GLDN: variants seen among roughly 807,000 people sequenced by gnomAD.
GLDN encodes the protein gliomedin, also known as collomin.
In GLDN, 47 loss-of-function variants were observed where a neutral mutation model predicts 56.5. The ratio of observed to expected loss-of-function variants is 0.83; its 90% CI spans 0.66 to 1.06. GLDN has a LOEUF of 1.06. Among genes scored for constraint, GLDN ranks in the 50% least tolerant of loss-of-function variants. The probability of loss-of-function intolerance (pLI) is 0.00; values close to 1 mark genes in which losing one functional copy is unlikely to be tolerated. For missense variants in GLDN, 782 were observed against 714.3 expected (o/e 1.09, Z -1.08); for synonymous variants, 332 against 278.8 (o/e 1.19, Z -1.90).
At position 51,341,904 on chromosome 15, in the gene GLDN, C is replaced by T. The variant is rs943599893; in HGVS notation, c.220C>T (p.Arg74Cys). ...ALRSFLAELS[R>C]APRGASAPPQ... ...GCGCTCCTTCCTGGCCGAGTTGAGC[C>T]GCGCGCCGCGCGGGGCGTCCGCACC... Residue 74 changes from arginine (R) to cysteine (C), a missense_variant, in exon 1 of 10, where the codon CGC becomes TGC. Arg to Cys is a radical substitution (Grantham distance 180). Coordinates refer to ENST00000335449, the MANE Select transcript of GLDN (RefSeq NM_181789.4). 3.8e-6 allele frequency: 6 copies of T among 1,591,176 alleles called. No individual in the cohort carries two copies. The highest frequency in any genetic ancestry group is 1.7e-5 in the Admixed American group (1 of 59,148).
At chr15:51,391,599 G>A (rs1345476711) in intron 4 of GLDN, among the ~76,000 whole-genome samples, 1 of 152,212 alleles carries the variant, frequency 6.6e-6, no homozygotes, top group Admixed American at 6.5e-5. Flanking sequence ...CACAAAGAGG[G>A]CCGGGCAGAA....
intron 1 of GLDN, among the ~76,000 whole-genome samples, chr15:51,366,413 C>G (rs1785382119): frequency 6.6e-6 from 1 of 152,184 alleles, no homozygotes; most frequent in Admixed American, 6.5e-5. Context: ...CTTGATAGAG[C>G]CTGTAGGGCT....
rs912395595 is a variant in GLDN, at chr15:51,405,639, T to C, written c.*885T>C. On this transcript the variant is annotated 3_prime_UTR_variant, in exon 10 of 10. Coordinates refer to ENST00000335449, the MANE Select transcript of GLDN (RefSeq NM_181789.4). The stretch of plus-strand genomic sequence containing the variant: ...GCTGTGGATCATGAACACTGAATCC[T>C]CAGATCACTCTGACTTCTTATGCTT... The C allele has an allele frequency of 6.6e-6, 1 of 152,202 alleles. No homozygotes were observed. Among genetic ancestry groups the C allele is most frequent in the Non-Finnish European group, 1.5e-5 (1 of 68,044 alleles). 9.4% of individuals were successfully genotyped at this position (152,202 alleles called of 1,614,324 possible).
At chr15:51,386,688 G>A (rs973054873) in intron 4 of GLDN, among the ~76,000 whole-genome samples, 13 of 152,216 alleles carry the variant, frequency 8.5e-5, no homozygotes, top group Admixed American at 2.6e-4. Flanking sequence ...CTCCGTAGGC[G>A]GGGGACAGCG....
rs868837631 is a variant in GLDN at position 51,374,721 on chromosome 15, C to A, written c.364-2728C>A. On this transcript the variant is annotated intron_variant, in intron 1 of 9. Transcript: ENST00000335449. ...ATCGTTAAATTATCTGTACACATTTCTTTTCTTTCTTTTCCTTTTTTTTTT... is the reference window on the plus strand; with the variant it reads ...ATCGTTAAATTATCTGTACACATTTATTTTCTTTCTTTTCCTTTTTTTTTT... 2.2e-5 allele frequency among the ~76,000 whole-genome samples: 3 copies of A among 138,234 alleles called. 1 individual carries two copies. In the Middle Eastern group the frequency reaches 0.011, roughly 520 times the overall value. The allele number at this position is 138,234 out of a possible 152,430, so 90.7% of individuals were successfully genotyped here. A position where few individuals can be genotyped will look rare whatever the true frequency, so the allele number is the denominator to read the frequency against.
chr15:51,398,468 G>A (rs114949073), intron 6 of GLDN, among the ~76,000 whole-genome samples: 316 of 152,252 alleles, frequency 2.1e-3, no homozygotes, highest in African/African-American at 7.3e-3. Context: ...CTATGAGGAG[G>A]GCCACTTGCG....
chr15:51,343,892 G>A (rs868160620), intron 1 of GLDN, among the ~76,000 whole-genome samples: 3 of 152,136 alleles, frequency 2.0e-5, no homozygotes, highest in African/African-American at 4.8e-5. Flanking sequence ...TTTATTAGAA[G>A]TCCTCTGACC....
intron 1 of GLDN, among the ~76,000 whole-genome samples, chr15:51,368,124 G>A (rs539456563): frequency 1.3e-5 from 2 of 152,290 alleles, no homozygotes; most frequent in South Asian, 4.2e-4. Context: ...TCATTGCTTG[G>A]GGAGCACATT....
chr15:51,372,681 C>G (rs1007299433), intron 1 of GLDN, among the ~76,000 whole-genome samples: 3 of 152,198 alleles, frequency 2.0e-5, no homozygotes, highest in African/African-American at 7.2e-5. Context: ...GTCATCTTCT[C>G]TCAGAGAAAC....
intron 1 of GLDN, among the ~76,000 whole-genome samples, chr15:51,350,062 C>G (rs1177396253): frequency 6.6e-6 from 1 of 152,046 alleles, no homozygotes; most frequent in Non-Finnish European, 1.5e-5. Flanking sequence ...TTCTTAGTAG[C>G]TCGGGCTACT....
intron 6 of GLDN, among the ~76,000 whole-genome samples, chr15:51,397,906 G>A (rs2038169754): frequency 6.6e-6 from 1 of 152,158 alleles, no homozygotes; most frequent in Admixed American, 6.5e-5. Context: ...AGTATGGAAA[G>A]CTAAGCTGCT....
intron 4 of GLDN, among the ~76,000 whole-genome samples, chr15:51,393,730 G>A (rs1219970060): frequency 6.6e-6 from 1 of 152,168 alleles, no homozygotes; most frequent in Admixed American, 6.5e-5. Context: ...GTGCCACTGG[G>A]AACTACCTCC....
intron 1 of GLDN, among the ~76,000 whole-genome samples, chr15:51,352,519 G>T (rs1463918224): frequency 6.6e-6 from 1 of 151,996 alleles, no homozygotes; most frequent in Non-Finnish European, 1.5e-5. Flanking sequence ...TTTCCTTCAG[G>T]GTGCCAACTT....
chr15:51,385,677 G>A (rs1488294640), intron 4 of GLDN: 1 of 152,268 alleles, frequency 6.6e-6, no homozygotes, highest in Non-Finnish European at 1.5e-5. Flanking sequence ...ACCTCCCTCA[G>A]AAGGGACCTT....
intron 5 of GLDN, among the ~76,000 whole-genome samples, chr15:51,395,965 G>A (rs1397288625): frequency 1.3e-5 from 2 of 151,984 alleles, no homozygotes; most frequent in Admixed American, 6.5e-5. Context: ...TTAAATGACC[G>A]AATCTCGCAA....
chr15:51,356,114 G>A (rs950245205), intron 1 of GLDN, among the ~76,000 whole-genome samples: 2 of 151,734 alleles, frequency 1.3e-5, no homozygotes, highest in African/African-American at 4.8e-5. Context: ...GGCTGAGGCA[G>A]CGGACTGTCT....
At chr15:51,392,101 A>T (rs896826611) in intron 4 of GLDN, among the ~76,000 whole-genome samples, 6 of 152,236 alleles carry the variant, frequency 3.9e-5, no homozygotes, top group African/African-American at 1.4e-4. Context: ...TATGAACATG[A>T]ATATGGAAGA....
At chr15:51,408,293 C>T (rs1230648850), downstream of GLDN, among the ~76,000 whole-genome samples, 1 of 152,090 alleles carries the variant, frequency 6.6e-6, no homozygotes, top group African/African-American at 2.4e-5. Flanking sequence ...CAATTGAGGA[C>T]ATAATATTTG....
rs776134314 is a variant in GLDN, at chr15:51,377,516, A to C, written c.415+16A>C. 1.9e-6 allele frequency: 3 copies of C among 1,611,624 alleles called. No individual in the cohort carries two copies. In the East Asian group the frequency reaches 6.7e-5, roughly 36 times the overall value. On this transcript the variant is annotated intron_variant, in intron 2 of 9. Coordinates refer to ENST00000335449, the MANE Select transcript of GLDN (RefSeq NM_181789.4). ...TGCCTCACAGGTAGGCTGGCCGCTG[A>C]GCAGAGCCGCTCACACAACAAGGAC...
Sources: allele counts gnomAD v4.1 joint callset (sites outside exome capture counted in the v4.1 genomes callset), GRCh38; gene constraint gnomAD v4.1.1; transcripts MANE v1.5; gene names NCBI Gene and HGNC (gene_info 2026-07-23, HGNC 2026-07-21).